GRID2: variants seen among roughly 807,000 people sequenced by gnomAD.
GRID2 encodes glutamate receptor ionotropic, delta-2.
A neutral mutation model predicts 114.8 loss-of-function variants in GRID2; 33 were observed. The ratio of observed to expected loss-of-function variants is 0.29; its 90% CI spans 0.22 to 0.38. The LOEUF (loss-of-function observed/expected upper bound fraction) is 0.38. Ranked by LOEUF, GRID2 falls within the 10% of genes least tolerant of loss-of-function variation. GRID2 has a pLI of 1.00. For synonymous variants in GRID2, 505 were observed against 449.9 expected (o/e 1.12, Z -1.55); for missense variants, 1,184 against 1,257.7 (o/e 0.94, Z 0.89).
In GRID2 at chr4:93,159,157, C is replaced by T. The variant is rs1228351132; in HGVS notation, c.735+48204C>T. Among the ~76,000 whole-genome samples, 13 of 151,502 alleles carry T rather than the reference C, an allele frequency of 8.6e-5. No homozygotes were observed. In the Admixed American group the frequency reaches 8.6e-4, roughly 10 times the overall value. ...CTAGCAGTTGCCTGGCCTCCACCTACACAGTGGAAAAGAATGAAATGGCTT... is the reference window on the plus strand; with the variant it reads ...CTAGCAGTTGCCTGGCCTCCACCTATACAGTGGAAAAGAATGAAATGGCTT... On this transcript the variant is annotated intron_variant, in intron 4 of 15. Coordinates refer to ENST00000282020, the MANE Select transcript of GRID2 (RefSeq NM_001510.4).
At chr4:93,073,916 G>C (rs1290585583) in intron 2 of GRID2, among the ~76,000 whole-genome samples, 1 of 152,170 alleles carries the variant, frequency 6.6e-6, no homozygotes, top group African/African-American at 2.4e-5. Context: ...AACGGAGGCT[G>C]GACCAGGTCC....
intron 1 of GRID2, among the ~76,000 whole-genome samples, chr4:92,421,068 T>G (rs1316501892): frequency 6.6e-6 from 1 of 152,104 alleles, no homozygotes; most frequent in Non-Finnish European, 1.5e-5. Flanking sequence ...TCTTTTTGTT[T>G]TTTTCAGTTC....
chr4:93,635,257 C>G (rs1403626580), intron 14 of GRID2, among the ~76,000 whole-genome samples: 4 of 150,640 alleles, frequency 2.7e-5, no homozygotes, highest in South Asian at 2.1e-4. Context: ...ATTTTCTGTT[C>G]CAGATCAAGA....
At chr4:93,470,422 T>G (rs532265463) in intron 11 of GRID2, among the ~76,000 whole-genome samples, 1 of 152,264 alleles carries the variant, frequency 6.6e-6, no homozygotes, top group South Asian at 2.1e-4. Flanking sequence ...ACTTACTTGT[T>G]TCACTCCAAG....
At chr4:93,239,877 A>G (rs1370055173) in intron 8 of GRID2, among the ~76,000 whole-genome samples, 1 of 151,632 alleles carries the variant, frequency 6.6e-6, no homozygotes, top group Non-Finnish European at 1.5e-5. Context: ...TGTTTTGTCA[A>G]TGTTTCAACT....
intron 1 of GRID2, among the ~76,000 whole-genome samples, chr4:92,469,534 T>A (rs1721918804): frequency 6.6e-6 from 1 of 152,142 alleles, no homozygotes; most frequent in South Asian, 2.1e-4. Flanking sequence ...ATTTGTATAT[T>A]TTTATTGTTG....
At chr4:93,605,153 A>G (rs922427479) in intron 13 of GRID2, among the ~76,000 whole-genome samples, 1 of 152,212 alleles carries the variant, frequency 6.6e-6, no homozygotes, top group Non-Finnish European at 1.5e-5. Flanking sequence ...AGGAACAAAT[A>G]TCTTCAAATT....
chr4:92,621,185 T>G (rs751824466), intron 2 of GRID2, among the ~76,000 whole-genome samples: 27 of 151,694 alleles, frequency 1.8e-4, no homozygotes, highest in Middle Eastern at 3.2e-3. Context: ...CATTAGCTAT[T>G]CTTCCTGATG....
chr4:92,715,175 T>G (rs1040938848), intron 2 of GRID2, among the ~76,000 whole-genome samples: 2 of 152,188 alleles, frequency 1.3e-5, no homozygotes, highest in Non-Finnish European at 1.5e-5. Flanking sequence ...CACACATTTC[T>G]AGGACAGGGG....
intron 13 of GRID2, among the ~76,000 whole-genome samples, chr4:93,526,953 G>T (rs771299608): frequency 1.3e-5 from 2 of 152,148 alleles, no homozygotes; most frequent in Non-Finnish European, 2.9e-5. Context: ...TCATGCCCTT[G>T]TCTTTTTCAA....
intron 1 of GRID2, among the ~76,000 whole-genome samples, chr4:92,468,710 A>G (rs1489796381): frequency 6.6e-6 from 1 of 152,076 alleles, no homozygotes. Context: ...GTTTTATGCA[A>G]GGCTCCATAA....
chr4:92,446,368 C>G (rs1195939063), intron 1 of GRID2, among the ~76,000 whole-genome samples: 1 of 152,212 alleles, frequency 6.6e-6, no homozygotes, highest in Non-Finnish European at 1.5e-5. Flanking sequence ...AATGTCTCTT[C>G]TTTCTCTTTG....
chr4:93,152,090 A>G (rs1736790982), intron 4 of GRID2, among the ~76,000 whole-genome samples: 2 of 152,184 alleles, frequency 1.3e-5, no homozygotes, highest in African/African-American at 4.8e-5. Context: ...AAGGAAGGGC[A>G]CAAAGAACTT....
At chr4:92,986,720 T>C (rs1376319223) in intron 2 of GRID2, among the ~76,000 whole-genome samples, 2 of 152,182 alleles carry the variant, frequency 1.3e-5, no homozygotes, top group African/African-American at 4.8e-5. Flanking sequence ...AATACAGACT[T>C]TTTTAAAAAG....
intron 1 of GRID2, among the ~76,000 whole-genome samples, chr4:92,323,679 A>T (rs933453528): frequency 2.6e-5 from 4 of 151,896 alleles, no homozygotes; most frequent in South Asian, 2.1e-4. Flanking sequence ...TCATTCTCAC[A>T]CTGTGCTCTG....
intron 5 of GRID2, 47 bp downstream of exon 5, chr4:93,207,504 A>T: frequency 8.4e-7 from 1 of 1,187,580 alleles, no homozygotes; most frequent in East Asian, 2.4e-5. Context: ...CTTTTTTCAC[A>T]TATATAATTG....
intron 1 of GRID2, among the ~76,000 whole-genome samples, chr4:92,409,625 A>G (rs1008590616): frequency 6.6e-6 from 1 of 152,178 alleles, no homozygotes; most frequent in Admixed American, 6.6e-5. Context: ...ATGACCGAAC[A>G]TACAATAATA....
chr4:93,612,378 T>C (rs375522502), intron 13 of GRID2, among the ~76,000 whole-genome samples: 26 of 149,920 alleles, frequency 1.7e-4, no homozygotes, highest in Non-Finnish European at 3.0e-4. Context: ...TTATTTTGCT[T>C]GTTAGTTGAT....
intron 1 of GRID2, among the ~76,000 whole-genome samples, chr4:92,580,831 G>T (rs552419265): frequency 6.6e-6 from 1 of 151,024 alleles, no homozygotes; most frequent in Non-Finnish European, 1.5e-5. Flanking sequence ...AAAAATATCT[G>T]CAACTTTTCT....
Sources: allele counts gnomAD v4.1 joint callset (sites outside exome capture counted in the v4.1 genomes callset), GRCh38; gene constraint gnomAD v4.1.1; transcripts MANE v1.5; gene names NCBI Gene and HGNC (gene_info 2026-07-23, HGNC 2026-07-21).